The following MTRF1L variants were observed in gnomAD, a reference collection of about 807,000 sequenced individuals.
MTRF1L encodes peptide chain release factor 1-like, mitochondrial.
In MTRF1L, 29 loss-of-function variants were observed where a neutral mutation model predicts 40.0. The ratio of observed to expected loss-of-function variants is 0.73; its 90% CI spans 0.54 to 0.99. MTRF1L has a LOEUF of 0.99. MTRF1L is among the 50% of genes least tolerant of loss of function. MTRF1L has a pLI of 0.00. For synonymous variants in MTRF1L, 150 were observed against 175.8 expected (o/e 0.85, Z 1.16); for missense variants, 412 against 464.5 (o/e 0.89, Z 1.04).
At chr6:153,002,323 C>G in intron 1 of MTRF1L, 104 bp downstream of exon 1, 2 of 1,554,126 alleles carry the variant, frequency 1.3e-6, no homozygotes, top group South Asian at 1.1e-5. Flanking sequence ...AAAACGGCTG[C>G]AAGTGAGTAA....
chr6:152,994,497 G>T lies in MTRF1L; in HGVS notation c.687+16C>A, dbSNP rs1778639715. 2.5e-6 allele frequency: 4 copies of T among 1,591,826 alleles called. No individual in the cohort carries two copies. Among genetic ancestry groups the T allele is most frequent in the Non-Finnish European group, 3.4e-6 (4 of 1,169,652 alleles). ...TGCTAGGCCCGGGATTCCAAGGAGA[G>T]GGGCTTATGCCTTACCTCAGTAGGC... On this transcript the variant is annotated intron_variant, in intron 4 of 6. Transcript: ENST00000367233.
At chr6:152,993,132 A>T (rs1778588581) in intron 4 of MTRF1L, among the ~76,000 whole-genome samples, 158 bp from the exon 5 acceptor site, 1 of 152,152 alleles carries the variant, frequency 6.6e-6, no homozygotes, top group Non-Finnish European at 1.5e-5. Flanking sequence ...CCATTTTAAA[A>T]CTTTTTTGCT....
At chr6:152,990,250 A>G in intron 6 of MTRF1L, 155 bp from the exon 7 acceptor site, 2 of 1,077,676 alleles carry the variant, frequency 1.9e-6, no homozygotes, top group South Asian at 1.7e-5. Flanking sequence ...ACATGGGAAC[A>G]TGATATAGAA....
At chr6:152,990,448 G>A (rs1476965367) in intron 6 of MTRF1L, 2 of 180,120 alleles carry the variant, frequency 1.1e-5, no homozygotes, top group East Asian at 3.1e-4. Context: ...TAATCTCTGT[G>A]AATTAATGCA....
chr6:152,997,701 CAG>C (rs1170029875), intron 2 of MTRF1L, among the ~76,000 whole-genome samples: 1 of 152,124 alleles, frequency 6.6e-6, no homozygotes, highest in Non-Finnish European at 1.5e-5. Flanking sequence ...TTGAGAAAGC[CAG>C]AGTTTTAGCA....
rs370025443 is a variant in MTRF1L at position 152,994,650 on chromosome 6, T to G, written c.550A>C (p.Ile184Leu). 6.4e-5 allele frequency: 103 copies of G among 1,613,994 alleles called. No homozygotes were observed. The highest frequency in any genetic ancestry group is 8.2e-5 in the Non-Finnish European group (97 of 1,180,012). ...TGCCTATAGGCTTCTGAACCCCCAA[T>G]GCTGGCAGATGCATGTCTAAGGCCA... is the stretch of plus-strand genomic sequence containing the variant. The part of the protein sequence containing the change: ...LGGLRHASAS[I>L]GGSEAYRHMK... Residue 184 changes from isoleucine (I) to leucine (L), a missense_variant, in exon 4 of 7, where the codon ATT becomes CTT. Transcript: ENST00000367233.
In MTRF1L at chr6:153,002,693, C is replaced by T. The variant is rs1466952913; in HGVS notation, c.-8G>A. On this transcript the variant is annotated 5_prime_UTR_variant, in exon 1 of 7. Transcript: ENST00000367233. ...CAGAACCCGGGACCGCATCCTTAGTCCGAGATCGCGGACCCTGACCGGAAC... is the reference window on the plus strand; with the variant it reads ...CAGAACCCGGGACCGCATCCTTAGTTCGAGATCGCGGACCCTGACCGGAAC... 2.0e-6 allele frequency: 3 copies of T among 1,474,452 alleles called. No homozygotes were observed. Among genetic ancestry groups the T allele is most frequent in the Non-Finnish European group, 2.7e-6 (3 of 1,117,902 alleles). The allele number at this position is 1,474,452 out of a possible 1,614,324, so 91.3% of individuals were successfully genotyped here.
At chr6:152,994,835 A>G (rs894741294) in intron 3 of MTRF1L, 159 bp from the exon 4 acceptor site, 14 of 960,376 alleles carry the variant, frequency 1.5e-5, no homozygotes, top group Non-Finnish European at 2.0e-5. Context: ...TTTAATATTT[A>G]TCTTTACTGC....
intron 3 of MTRF1L, 185 bp downstream of exon 3, chr6:152,994,951 A>G (rs1385558285): frequency 2.7e-6 from 2 of 729,712 alleles, no homozygotes; most frequent in Admixed American, 6.1e-5. Flanking sequence ...AGTATTATTG[A>G]AAGACTCTCC....
intron 6 of MTRF1L, 55 bp downstream of exon 6, chr6:152,991,130 A>T: frequency 8.3e-7 from 1 of 1,205,564 alleles, no homozygotes. Context: ...AAAAAAGCTG[A>T]GTTATATAAA....
At chr6:153,000,029 A>G (rs1429224972) in intron 1 of MTRF1L, among the ~76,000 whole-genome samples, 1 of 152,240 alleles carries the variant, frequency 6.6e-6, no homozygotes, top group African/African-American at 2.4e-5. Context: ...TATTTTGGCA[A>G]GCATATGGTA....
At position 153,002,466 on chromosome 6, in the gene MTRF1L, T is replaced by C. The variant is rs1778959824; in HGVS notation, c.220A>G (p.Lys74Glu). 5.6e-6 allele frequency: 9 copies of C among 1,613,784 alleles called. No individual in the cohort carries two copies. In the East Asian group the frequency reaches 1.3e-4, roughly 24 times the overall value. ...LLAVIKLLNE[K>E]ERELRETEHL... is the part of the protein sequence containing the mutation. ...TCAGTCTCCCGCAGCTCCCGCTCCTTCTCGTTCAGCAGTTTGATCACCGCC... is the reference window on the plus strand; with the variant it reads ...TCAGTCTCCCGCAGCTCCCGCTCCTCCTCGTTCAGCAGTTTGATCACCGCC... Residue 74 changes from lysine (K) to glutamate (E), a missense_variant, in exon 1 of 7, where the codon AAG becomes GAG. Transcript: ENST00000367233.
chr6:152,990,789 A>G (rs974773989), intron 6 of MTRF1L, among the ~76,000 whole-genome samples: 1 of 152,174 alleles, frequency 6.6e-6, no homozygotes, highest in Non-Finnish European at 1.5e-5. Flanking sequence ...GCACCACTGC[A>G]CTCCAGCCTG....
rs1244371948 is a variant in MTRF1L, at chr6:152,991,307, A to G, written c.820T>C (p.Cys274Arg). Residue 274 changes from cysteine to arginine, a missense_variant, in exon 6 of 7, where the codon TGT becomes CGT. Physicochemically the swap from Cys to Arg is radical, Grantham distance 180. Coordinates refer to ENST00000367233, the MANE Select transcript of MTRF1L (RefSeq NM_019041.7). The part of the protein sequence containing the change: ...VHLPTGVVSE[C>R]QQERSQLKNK... ...TTCAGCTGAGATCTCTCTTGTTGACATTCAGAAACAACACCTGAATAGTGT... is the reference window on the plus strand; with the variant it reads ...TTCAGCTGAGATCTCTCTTGTTGACGTTCAGAAACAACACCTGAATAGTGT... 21 of 1,592,736 alleles carry G rather than the reference A, an allele frequency of 1.3e-5. No homozygotes were observed. The highest frequency in any genetic ancestry group is 2.7e-5 in the African/African-American group (2 of 73,664).
In MTRF1L at chr6:152,991,302, T is replaced by C; in HGVS notation, c.825A>G (p.Gln275=). 1.3e-6 allele frequency: 2 copies of C among 1,597,586 alleles called. No individual in the cohort carries two copies. The highest frequency in any genetic ancestry group is 1.1e-5 in the South Asian group (1 of 87,138). The part of the protein sequence containing the change: ...HLPTGVVSEC[Q]QERSQLKNKE... ...TATTTTTCAGCTGAGATCTCTCTTGTTGACATTCAGAAACAACACCTGAAT... is the reference window on the plus strand; with the variant it reads ...TATTTTTCAGCTGAGATCTCTCTTGCTGACATTCAGAAACAACACCTGAAT... The change falls in exon 6 of 7, where the codon CAA becomes CAG. Residue 275 remains glutamine, a synonymous_variant. Coordinates refer to ENST00000367233, the MANE Select transcript of MTRF1L (RefSeq NM_019041.7).
rs530672339 is a variant in MTRF1L at position 153,000,966 on chromosome 6, C to T, written c.259+1461G>A. Among the ~76,000 whole-genome samples the T allele has an allele frequency of 4.0e-5, 6 of 150,248 alleles. No individual in the cohort carries two copies. In the South Asian group the frequency reaches 1.1e-3, roughly 26 times the overall value. ...TTGGCTCACTGCAACCTCCACCTCC[C>T]GGGTTCAAGCGATTCTCCCACCTCA... On this transcript the variant is annotated intron_variant, in intron 1 of 6. Coordinates refer to ENST00000367233, the MANE Select transcript of MTRF1L (RefSeq NM_019041.7).
chr6:152,998,151 C>T, intron 2 of MTRF1L: 2 of 126,556 alleles, frequency 1.6e-5, no homozygotes, highest in African/African-American at 3.0e-5. Context: ...TACCTCCAGT[C>T]TTCTTAAAAA....
intron 1 of MTRF1L, among the ~76,000 whole-genome samples, chr6:152,999,468 T>C (rs967373333): frequency 4.6e-5 from 7 of 152,198 alleles, no homozygotes; most frequent in African/African-American, 7.2e-5. Context: ...AGTTTCCTTA[T>C]ATTTTTCTAG....
intron 4 of MTRF1L, among the ~76,000 whole-genome samples, chr6:152,993,691 T>C (rs1472617118): frequency 2.6e-5 from 4 of 152,214 alleles, no homozygotes; most frequent in Non-Finnish European, 5.9e-5. Flanking sequence ...TCTCTCATCT[T>C]TTCCTGAAAA....
Sources: gnomAD v4.1 joint callset for allele counts (sites outside exome capture counted in the v4.1 genomes callset) on GRCh38, gnomAD v4.1.1 for gene constraint, MANE v1.5 for transcripts, NCBI Gene and HGNC (gene_info 2026-07-23, HGNC 2026-07-21) for gene names.